MAP2K7: variants seen among roughly 807,000 people sequenced by gnomAD.
MAP2K7 encodes the protein mitogen-activated protein kinase kinase 7, also known as dual specificity mitogen-activated protein kinase kinase 7.
MAP2K7 carries 12 observed loss-of-function variants against 47.7 expected under a neutral mutation model. That is an observed-to-expected ratio of 0.25 (90% CI 0.16 to 0.41). The LOEUF is 0.41. Among genes scored for constraint, MAP2K7 ranks in the 10% least tolerant of loss-of-function variants. MAP2K7 has a pLI of 1.00. For missense variants in MAP2K7, 415 were observed against 600.3 expected (o/e 0.69, Z 3.23); for synonymous variants, 299 against 243.0 (o/e 1.23, Z -2.14).
intron 1 of MAP2K7, chr19:7,904,470 T>C: frequency 2.7e-6 from 1 of 370,634 alleles, no homozygotes; most frequent in Admixed American, 3.2e-5. Context: ...GGCGCCCCCC[T>C]CCCCCGGCCT....
rs759620768 is a variant in MAP2K7 at position 7,909,914 on chromosome 19, C to G, written c.266+18C>G. ...ATGGAGAGGTGAGCCAGGGGCCCAG[C>G]AGGGTTGGGTGGGAAGCAGCATTGA... is the stretch of plus-strand genomic sequence containing the variant. On this transcript the variant is annotated intron_variant, in intron 2 of 10. Transcript: ENST00000397979. 6.6e-7 allele frequency: 1 copy of G among 1,506,222 alleles called. No individual in the cohort carries two copies. The highest frequency in any genetic ancestry group is 1.4e-5 in the African/African-American group (1 of 71,640). 93.3% of individuals were successfully genotyped at this position (1,506,222 alleles called of 1,614,324 possible). A position where few individuals can be genotyped will look rare whatever the true frequency, so the allele number is the denominator to read the frequency against.
intron 1 of MAP2K7, chr19:7,907,100 G>C (rs1189939866): frequency 6.7e-6 from 1 of 150,320 alleles, no homozygotes; most frequent in African/African-American, 2.5e-5. Context: ...CTGAGATCGC[G>C]CCACTGCATT....
At chr19:7,908,223 A>G (rs534374550) in intron 1 of MAP2K7, among the ~76,000 whole-genome samples, 1 of 151,212 alleles carries the variant, frequency 6.6e-6, no homozygotes, top group African/African-American at 2.4e-5. Context: ...AGTGGCCAGG[A>G]CAGCGGGAGG....
At chr19:7,905,607 C>T (rs1568274213) in intron 1 of MAP2K7, among the ~76,000 whole-genome samples, 1 of 152,194 alleles carries the variant, frequency 6.6e-6, no homozygotes, top group Non-Finnish European at 1.5e-5. Context: ...CCCGAGGAGT[C>T]CCCTCCAGGC....
At chr19:7,904,734 TGTGACCA>T (rs1982336023) in intron 1 of MAP2K7, among the ~76,000 whole-genome samples, 2 of 152,062 alleles carry the variant, frequency 1.3e-5, no homozygotes, top group Admixed American at 6.5e-5. Context: ...CGCAAATCCC[TGTGACCA>T]GTTTCACTGC....
chr19:7,912,245 G>T (rs767485049), intron 10 of MAP2K7, 51 bp downstream of exon 10: 1 of 1,613,626 alleles, frequency 6.2e-7, no homozygotes, highest in South Asian at 1.1e-5. Flanking sequence ...GGAGGCGCGA[G>T]GCCAGGAGGG....
At chr19:7,912,049 TG>T in intron 9 of MAP2K7, 99 bp from the exon 10 acceptor site, 1 of 1,108,466 alleles carries the variant, frequency 9.0e-7, no homozygotes, top group South Asian at 1.4e-5. Flanking sequence ...ACACACATCT[TG>T]GGGACCCCTG....
chr19:7,908,648 A>C (rs1371093568), intron 1 of MAP2K7, among the ~76,000 whole-genome samples: 5 of 151,782 alleles, frequency 3.3e-5, no homozygotes, highest in Non-Finnish European at 7.4e-5. Flanking sequence ...CTCCTGTGGG[A>C]GGGGCACCTT....
At position 7,911,266 on chromosome 19, in the gene MAP2K7, C is replaced by T. The variant is rs1312792372; in HGVS notation, c.872C>T (p.Pro291Leu). 2 of 1,612,924 alleles carry T rather than the reference C, an allele frequency of 1.2e-6. No homozygotes were observed. Among genetic ancestry groups the T allele is most frequent in the Non-Finnish European group, 8.5e-7 (1 of 1,179,854 alleles). ...CCCCTGCAGCCCGAGCGCATTGACC[C>T]CCCAGACCCCACCAAGCCGGACTAT... ...AAYMAPERID[P>L]PDPTKPDYDI... Residue 291 changes from proline to leucine, a missense_variant, in exon 8 of 11, where the codon CCC becomes CTC. Around this residue, in one of 3 missense-constraint regions of MAP2K7, gnomAD observed 206 missense variants for 368.8 expected, o/e 0.56. Transcript: ENST00000397979.
Position 7,913,824 on chromosome 19 carries a change from C to T in MAP2K7, c.*1393C>T, listed in dbSNP as rs979879334. ...CACAAAGAAAATCCAACACCAAAGGCGCAGAAGCCGGCTGGCCGTGGTGGG... is the reference window on the plus strand; with the variant it reads ...CACAAAGAAAATCCAACACCAAAGGTGCAGAAGCCGGCTGGCCGTGGTGGG... On this transcript the variant is annotated 3_prime_UTR_variant, in exon 11 of 11. Transcript: ENST00000397979. 10 of 152,594 alleles carry T rather than the reference C, an allele frequency of 6.6e-5. No individual in the cohort carries two copies. In the East Asian group the frequency reaches 1.5e-3, roughly 24 times the overall value. The allele number at this position is 152,594 out of a possible 1,614,324, so 9.5% of individuals were successfully genotyped here.
At chr19:7,909,512 C>T (rs1982675409) in intron 1 of MAP2K7, among the ~76,000 whole-genome samples, 1 of 152,214 alleles carries the variant, frequency 6.6e-6, no homozygotes, top group African/African-American at 2.4e-5. Flanking sequence ...CTCCCTCTCC[C>T]CTGCTAGCCT....
chr19:7,909,613 G>A, intron 1 of MAP2K7, 142 bp from the exon 2 acceptor site: 1 of 590,422 alleles, frequency 1.7e-6, no homozygotes, highest in Non-Finnish European at 3.0e-6. Context: ...CAGCCCAGCA[G>A]GGCAGGGGGC....
chr19:7,910,201 G>A (rs773817931), intron 3 of MAP2K7, 59 bp from the exon 4 acceptor site: 37 of 1,601,372 alleles, frequency 2.3e-5, no homozygotes, highest in Non-Finnish European at 3.2e-5. Context: ...AGCGCCAGTG[G>A]GGGGCAGGGG....
chr19:7,911,500 A>G lies in MAP2K7; in HGVS notation c.1001A>G (p.Lys334Arg), dbSNP rs1982867466. Residue 334 changes from lysine (K) to arginine (R), a missense_variant, in exon 9 of 11, where the codon AAA (lysine) becomes AGA (arginine). Lys to Arg is a conservative substitution (Grantham distance 26). Transcript: ENST00000397979. Reference protein sequence around the residue: ...NCKTDFEVLTKVLQEEPPLLP... With the variant: ...NCKTDFEVLTRVLQEEPPLLP... ...AAGACGGACTTTGAGGTCCTCACCA[A>G]AGTCCTACAGGAAGAGCCCCCGCTT... is the stretch of plus-strand genomic sequence containing the variant. 3.1e-6 allele frequency: 5 copies of G among 1,613,118 alleles called. No individual in the cohort carries two copies. In the South Asian group the frequency reaches 3.3e-5, roughly 11 times the overall value.
rs2145139471 is a variant in MAP2K7 at position 7,910,379 on chromosome 19, C to A, written c.447+6C>A. 2 of 1,611,042 alleles carry A rather than the reference C, an allele frequency of 1.2e-6. No individual in the cohort carries two copies. Among genetic ancestry groups the A allele is most frequent in the South Asian group, 2.2e-5 (2 of 90,698 alleles). ...GCCACGTCATTGCCGTTAAGGTGAGCCTTGGCGGCTACCCCGGCTGCGCCC... is the reference window on the plus strand; with the variant it reads ...GCCACGTCATTGCCGTTAAGGTGAGACTTGGCGGCTACCCCGGCTGCGCCC... On this transcript the variant is annotated splice_donor_region_variant and intron_variant, in intron 4 of 10. Transcript: ENST00000397979.
chr19:7,908,833 T>C (rs1982626054), intron 1 of MAP2K7, among the ~76,000 whole-genome samples: 1 of 152,072 alleles, frequency 6.6e-6, no homozygotes, highest in South Asian at 2.1e-4. Context: ...CTCTCTGGCC[T>C]GTCTCTGCAG....
At position 7,903,882 on chromosome 19, in the gene MAP2K7, G is replaced by A; in HGVS notation, c.-63G>A. ...GGTCATCCGGGCGCAGGCGCAGTGCGGTGTTTGTCTGCCGGACTGACGGGC... is the reference window on the plus strand; with the variant it reads ...GGTCATCCGGGCGCAGGCGCAGTGCAGTGTTTGTCTGCCGGACTGACGGGC... On this transcript the variant is annotated 5_prime_UTR_variant, in exon 1 of 11. Coordinates refer to ENST00000397979, the MANE Select transcript of MAP2K7 (RefSeq NM_145185.4). 7.8e-7 allele frequency: 1 copy of A among 1,290,102 alleles called. No homozygotes were observed. Among genetic ancestry groups the A allele is most frequent in the Non-Finnish European group, 1.0e-6 (1 of 973,964 alleles). 79.9% of individuals were successfully genotyped at this position (1,290,102 alleles called of 1,614,324 possible). A position where few individuals can be genotyped will look rare whatever the true frequency, so the allele number is the denominator to read the frequency against.
At chr19:7,911,989 G>C (rs889720984) in intron 9 of MAP2K7, among the ~76,000 whole-genome samples, 160 bp from the exon 10 acceptor site, 3 of 152,100 alleles carry the variant, frequency 2.0e-5, no homozygotes, top group Non-Finnish European at 4.4e-5. Flanking sequence ...ACTCACAGTT[G>C]CTCCCCGCTG....
rs1261891350 is a variant in MAP2K7, at chr19:7,912,582, CCCCCCGCCCCGGGCCTACCAAG to C, written c.*161_*182del. Reference sequence around the variant, plus strand: ...AGAGAGTGGGGGGTGCCCACCCACCCCCCCCGCCCCGGGCCTACCAAGCCCCCGCCCTTCCCACCCCGGGGTC... The same window carrying C: ...AGAGAGTGGGGGGTGCCCACCCACCCCCCCCGCCCTTCCCACCCCGGGGTC... On this transcript the variant is annotated 3_prime_UTR_variant, in exon 11 of 11. Transcript: ENST00000397979. 10 of 911,586 alleles carry C rather than the reference CCCCCCGCCCCGGGCCTACCAAG, an allele frequency of 1.1e-5. No individual in the cohort carries two copies. Among genetic ancestry groups the C allele is most frequent in the Non-Finnish European group, 8.0e-6 (5 of 624,008 alleles). The allele number at this position is 911,586 out of a possible 1,614,324, so 56.5% of individuals were successfully genotyped here. A position where few individuals can be genotyped will look rare whatever the true frequency, so the allele number is the denominator to read the frequency against.
Sources: allele counts gnomAD v4.1 joint callset (sites outside exome capture counted in the v4.1 genomes callset), GRCh38; gene constraint gnomAD v4.1.1; regional missense constraint gnomAD v4.1.1; transcripts MANE v1.5; gene names NCBI Gene and HGNC (gene_info 2026-07-23, HGNC 2026-07-21).